The following KALRN variants were observed in gnomAD, a reference collection of about 807,000 sequenced individuals.
KALRN encodes kalirin.
A neutral mutation model predicts 353.7 loss-of-function variants in KALRN; 70 were observed. The ratio of observed to expected loss-of-function variants is 0.20; its 90% CI spans 0.16 to 0.24. The LOEUF (loss-of-function observed/expected upper bound fraction) is 0.24. KALRN is among the 10% of genes least tolerant of loss of function. The pLI is 1.00. For missense variants in KALRN, 2,791 were observed against 3,756.7 expected (o/e 0.74, Z 6.72); for synonymous variants, 1,391 against 1,434.8 (o/e 0.97, Z 0.69).
rs143238583 is a variant in KALRN, at chr3:124,458,023, C to T, written c.3854+1295C>T. ...GCGTGTGGTGGCTCACGTCTGTAAT[C>T]CCAGCACTTTGGGAGGCCGAGGCGG... is the stretch of plus-strand genomic sequence containing the variant. On this transcript the variant is annotated intron_variant, in intron 23 of 59. Coordinates refer to ENST00000682506, the MANE Select transcript of KALRN (RefSeq NM_001388419.1). Among the ~76,000 whole-genome samples the T allele has an allele frequency of 5.1e-3, 770 of 152,270 alleles. 6 individuals carry two copies. The highest frequency in any genetic ancestry group is 0.01 in the Middle Eastern group (3 of 294).
intron 52 of KALRN, 34 bp downstream of exon 52, chr3:124,693,865 G>A (rs766997545): frequency 2.7e-6 from 4 of 1,488,880 alleles, no homozygotes; most frequent in South Asian, 2.4e-5. Context: ...GGAAACATGG[G>A]GATTGGTTAA....
chr3:124,082,807 C>G (rs138817577), intron 1 of KALRN, among the ~76,000 whole-genome samples: 9 of 152,364 alleles, frequency 5.9e-5, no homozygotes, highest in African/African-American at 1.9e-4. Context: ...AAATAAACCA[C>G]CCTTATAAAG....
At chr3:124,095,698 C>G (rs2061402226) in intron 1 of KALRN, 1 of 152,156 alleles carries the variant, frequency 6.6e-6, no homozygotes, top group African/African-American at 2.4e-5. Context: ...GATAATGTGA[C>G]ACAAATCCAG....
chr3:124,689,101 C>T (rs1310670722), intron 51 of KALRN, among the ~76,000 whole-genome samples: 1 of 152,228 alleles, frequency 6.6e-6, no homozygotes, highest in African/African-American at 2.4e-5. Flanking sequence ...CCTGTCCTCC[C>T]GGACTTGGCC....
chr3:124,384,900 C>G lies in KALRN; in HGVS notation c.1826C>G (p.Thr609Arg). The change falls in exon 11 of 60, where the codon ACG (threonine) becomes AGG (arginine). Residue 609 changes from threonine (T) to arginine (R), a missense_variant. This residue lies in a region of KALRN where 452 missense variants were observed against 575.8 expected (regional missense o/e 0.78). Coordinates refer to ENST00000682506, the MANE Select transcript of KALRN (RefSeq NM_001388419.1). ...GAAGCAGCAGAGCAGTTGGCTCAGA[C>G]GGGGGAATGTGACCCCGAGGAGATC... ...LLEAAEQLAQ[T>R]GECDPEEIYK... The G allele has an allele frequency of 6.2e-7, 1 of 1,612,818 alleles. No homozygotes were observed. The highest frequency in any genetic ancestry group is 8.5e-7 in the Non-Finnish European group (1 of 1,179,390).
chr3:124,135,079 A>G (rs2065768125), intron 1 of KALRN, among the ~76,000 whole-genome samples: 1 of 152,224 alleles, frequency 6.6e-6, no homozygotes, highest in African/African-American at 2.4e-5. Context: ...TTGCACACGC[A>G]TGGTTATAGC....
chr3:124,530,189 A>G (rs1197932203), intron 33 of KALRN, among the ~76,000 whole-genome samples: 1 of 152,224 alleles, frequency 6.6e-6, no homozygotes, highest in Non-Finnish European at 1.5e-5. Flanking sequence ...CCAAAAATAC[A>G]TAAAAGGGAT....
At chr3:124,105,669 C>A (rs563465398) in intron 1 of KALRN, among the ~76,000 whole-genome samples, 1 of 152,234 alleles carries the variant, frequency 6.6e-6, no homozygotes, top group South Asian at 2.1e-4. Context: ...TGACTACTTA[C>A]AGCATTGTTT....
intron 33 of KALRN, among the ~76,000 whole-genome samples, chr3:124,527,715 A>C (rs2067712595): frequency 6.6e-6 from 1 of 152,142 alleles, no homozygotes; most frequent in Admixed American, 6.6e-5. Flanking sequence ...CCTCCACTGA[A>C]GCGAAGAGGG....
chr3:124,556,269 A>T lies in KALRN; in HGVS notation c.4936-6574A>T, dbSNP rs568022884. Among the ~76,000 whole-genome samples, 22 of 152,360 alleles carry T rather than the reference A, an allele frequency of 1.4e-4. No individual in the cohort carries two copies. The East Asian group carries it at 4.0e-3, about 28-fold the overall frequency. ...GAAGCCACAGTTCCAGCAAGCAAAG[A>T]TAAAGTAAATTGTAAGCTTTAGCCT... On this transcript the variant is annotated intron_variant, in intron 33 of 59. Coordinates refer to ENST00000682506, the MANE Select transcript of KALRN (RefSeq NM_001388419.1).
At position 124,699,899 on chromosome 3, in the gene KALRN, C is replaced by T. The variant is rs747203034; in HGVS notation, c.7862C>T (p.Ser2621Leu). 10 of 1,614,102 alleles carry T rather than the reference C, an allele frequency of 6.2e-6. No homozygotes were observed. In the African/African-American group the frequency reaches 6.7e-5, roughly 11 times the overall value. Residue 2621 changes from serine to leucine, a missense_variant, in exon 56 of 60, where the codon TCG becomes TTG. By Grantham distance (145) the Ser-to-Leu change is moderately radical (BLOSUM62 -2). Around this residue, in one of 11 missense-constraint regions of KALRN, gnomAD observed 1,065 missense variants for 1,156.4 expected, o/e 0.92. Coordinates refer to ENST00000682506, the MANE Select transcript of KALRN (RefSeq NM_001388419.1). ...CAGATCTGGCAGCAGTCAGTGGCTTCGACCTTGGACACTTACCTCGTCATC... is the reference window on the plus strand; with the variant it reads ...CAGATCTGGCAGCAGTCAGTGGCTTTGACCTTGGACACTTACCTCGTCATC... ...GSQIWQQSVASTLDTYLVIED... is the reference protein window; with the variant it reads ...GSQIWQQSVALTLDTYLVIED...
At chr3:124,496,204 A>G in intron 32 of KALRN, 107 bp from the exon 33 acceptor site, 3 of 738,008 alleles carry the variant, frequency 4.1e-6, no homozygotes, top group Non-Finnish European at 7.2e-6. Flanking sequence ...CCTGCTAGAA[A>G]GTGCTGAGGC....
At chr3:124,307,994 A>G (rs537038656) in intron 6 of KALRN, among the ~76,000 whole-genome samples, 1 of 152,198 alleles carries the variant, frequency 6.6e-6, no homozygotes, top group East Asian at 1.9e-4. Context: ...AACAGCAATC[A>G]GAAGAATAGC....
At chr3:124,555,670 C>T (rs1245282481) in intron 33 of KALRN, among the ~76,000 whole-genome samples, 1 of 152,050 alleles carries the variant, frequency 6.6e-6, no homozygotes, top group East Asian at 1.9e-4. Context: ...AGGTGGGCAG[C>T]CAATGGGAGA....
intron 1 of KALRN, among the ~76,000 whole-genome samples, chr3:124,038,344 AG>A (rs1335955237): frequency 6.6e-6 from 1 of 152,136 alleles, no homozygotes; most frequent in East Asian, 1.9e-4. Flanking sequence ...AGCTACTTGC[AG>A]AGTTTATCAG....
At chr3:124,495,135 G>T (rs1209296192) in intron 32 of KALRN, among the ~76,000 whole-genome samples, 1 of 152,162 alleles carries the variant, frequency 6.6e-6, no homozygotes, top group African/African-American at 2.4e-5. Context: ...CCAGGAAGGG[G>T]TCTAAATGCC....
intron 57 of KALRN, among the ~76,000 whole-genome samples, chr3:124,712,355 A>G (rs78344819): frequency 6.6e-6 from 1 of 152,214 alleles, no homozygotes; most frequent in African/African-American, 2.4e-5. Flanking sequence ...TGTTTTTAAA[A>G]TTATCGTTGA....
intron 27 of KALRN, among the ~76,000 whole-genome samples, chr3:124,479,049 G>A (rs1295426975): frequency 1.3e-5 from 2 of 152,336 alleles, no homozygotes; most frequent in East Asian, 3.9e-4. Context: ...CCTTTTGGCA[G>A]GTGAACAATG....
chr3:124,619,649 G>A (rs2079056586), intron 34 of KALRN, among the ~76,000 whole-genome samples: 1 of 151,966 alleles, frequency 6.6e-6, no homozygotes, highest in African/African-American at 2.4e-5. Flanking sequence ...ACCACACCCA[G>A]CTAATTTTTG....
Sources: gnomAD v4.1 joint callset for allele counts (sites outside exome capture counted in the v4.1 genomes callset) on GRCh38, gnomAD v4.1.1 for gene constraint, gnomAD v4.1.1 regional missense constraint, MANE v1.5 for transcripts, NCBI Gene and HGNC (gene_info 2026-07-23, HGNC 2026-07-21) for gene names.